The following DLG2 variants were observed in gnomAD, a reference collection of about 807,000 sequenced individuals.
DLG2 encodes discs large MAGUK scaffold protein 2, also known as disks large homolog 2.
Under a neutral mutation model 132.5 loss-of-function variants are expected in DLG2, and 45 were observed. The observed-to-expected ratio is 0.34, with a 90% confidence interval of 0.27 to 0.44. DLG2 has a LOEUF of 0.44. Ranked by LOEUF, DLG2 falls within the 20% of genes least tolerant of loss-of-function variation. The probability of loss-of-function intolerance (pLI) is 1.00; values close to 1 mark genes in which losing one functional copy is unlikely to be tolerated. For synonymous variants in DLG2, 424 were observed against 419.6 expected (o/e 1.01, Z -0.13); for missense variants, 1,045 against 1,196.9 (o/e 0.87, Z 1.87).
At chr11:85,509,251 A>C (rs2094003434) in intron 3 of DLG2, among the ~76,000 whole-genome samples, 1 of 152,098 alleles carries the variant, frequency 6.6e-6, no homozygotes, top group East Asian at 1.9e-4. Context: ...TTTCTTCAAA[A>C]GATTACCTAT....
At chr11:85,164,626 A>T (rs1566956415) in intron 4 of DLG2, among the ~76,000 whole-genome samples, 1 of 152,210 alleles carries the variant, frequency 6.6e-6, no homozygotes, top group African/African-American at 2.4e-5. Flanking sequence ...TCCTCCCCAG[A>T]GTCAATTCTG....
intron 8 of DLG2, among the ~76,000 whole-genome samples, chr11:84,202,954 C>CA (rs1434347874): frequency 1.3e-5 from 2 of 151,960 alleles, no homozygotes; most frequent in East Asian, 3.9e-4. Flanking sequence ...ATTTAAAAGT[C>CA]AAACAACAAC....
intron 7 of DLG2, among the ~76,000 whole-genome samples, chr11:84,262,789 G>A (rs911989497): frequency 1.6e-4 from 25 of 152,108 alleles, no homozygotes; most frequent in African/African-American, 6.0e-4. Context: ...TTGGTTTTCC[G>A]TTTCTGAGTA....
intron 19 of DLG2, among the ~76,000 whole-genome samples, chr11:83,567,411 C>T (rs887756767): frequency 6.6e-5 from 10 of 152,108 alleles, no homozygotes; most frequent in Admixed American, 5.9e-4. Flanking sequence ...CCTGGTTTTG[C>T]CTCTACCATG....
At chr11:83,535,169 T>C (rs903597594) in intron 20 of DLG2, among the ~76,000 whole-genome samples, 6 of 152,230 alleles carry the variant, frequency 3.9e-5, no homozygotes, top group African/African-American at 1.4e-4. Context: ...ATAATTTATA[T>C]TGATCTCTTT....
intron 3 of DLG2, among the ~76,000 whole-genome samples, chr11:85,568,305 A>G (rs2077648276): frequency 1.3e-5 from 2 of 152,018 alleles, no homozygotes; most frequent in South Asian, 4.1e-4. Flanking sequence ...GTGCGTAACC[A>G]CACCTGGCCA....
intron 8 of DLG2, among the ~76,000 whole-genome samples, chr11:84,174,508 A>C (rs565228375): frequency 6.6e-6 from 1 of 152,162 alleles, no homozygotes; most frequent in Admixed American, 6.6e-5. Context: ...TCCTTTTGGT[A>C]TCTTTACTAA....
chr11:84,024,826 T>G (rs1214935543), intron 11 of DLG2, among the ~76,000 whole-genome samples: 3 of 151,770 alleles, frequency 2.0e-5, no homozygotes, highest in African/African-American at 7.2e-5. Context: ...TTTTTTTTTT[T>G]TGGGTTCTAT....
chr11:84,169,842 C>A (rs1398569065), intron 8 of DLG2, among the ~76,000 whole-genome samples: 1 of 149,776 alleles, frequency 6.7e-6, no homozygotes, highest in Non-Finnish European at 1.5e-5. Flanking sequence ...CGCTGCACTT[C>A]AGCCTGGGCA....
intron 7 of DLG2, among the ~76,000 whole-genome samples, chr11:84,424,256 A>G (rs1304213165): frequency 6.6e-6 from 1 of 152,142 alleles, no homozygotes; most frequent in Non-Finnish European, 1.5e-5. Context: ...ATATTAGGGC[A>G]GAAATGTGCT....
intron 19 of DLG2, among the ~76,000 whole-genome samples, chr11:83,574,547 G>A (rs565947245): frequency 6.6e-6 from 1 of 152,266 alleles, no homozygotes; most frequent in South Asian, 2.1e-4. Flanking sequence ...GTAAGTGCCT[G>A]TTTTCTGACG....
At chr11:83,955,814 G>C (rs1174622073) in intron 14 of DLG2, among the ~76,000 whole-genome samples, 1 of 152,114 alleles carries the variant, frequency 6.6e-6, no homozygotes, top group Non-Finnish European at 1.5e-5. Context: ...TCCTGTGCTG[G>C]GTGCTTTCTG....
At chr11:83,975,545 G>T (rs866450427) in intron 12 of DLG2, among the ~76,000 whole-genome samples, 2 of 151,910 alleles carry the variant, frequency 1.3e-5, no homozygotes, top group Non-Finnish European at 2.9e-5. Flanking sequence ...CAGAGTAATT[G>T]TTTCTTTAAG....
intron 7 of DLG2, among the ~76,000 whole-genome samples, chr11:84,363,783 C>T (rs1373709170): frequency 3.3e-5 from 5 of 151,482 alleles, no homozygotes; most frequent in Non-Finnish European, 7.4e-5. Context: ...TTCCCCATTG[C>T]TTGTTTTTCT....
intron 6 of DLG2, among the ~76,000 whole-genome samples, chr11:84,776,981 G>A (rs1295606529): frequency 6.6e-6 from 1 of 151,548 alleles, no homozygotes; most frequent in Admixed American, 6.6e-5. Context: ...GGGCTTTTAG[G>A]GTATCCATCA....
chr11:84,810,974 G>A (rs755153334), intron 6 of DLG2, among the ~76,000 whole-genome samples: 2 of 152,056 alleles, frequency 1.3e-5, no homozygotes, highest in Non-Finnish European at 2.9e-5. Context: ...CAACATGTGG[G>A]GTCCTTGTGA....
intron 6 of DLG2, among the ~76,000 whole-genome samples, chr11:85,038,063 A>T (rs2061560951): frequency 6.6e-6 from 1 of 152,092 alleles, no homozygotes. Context: ...AATGCATGTA[A>T]ATATTTTGTG....
chr11:83,634,340 T>C (rs2064238095), intron 18 of DLG2, among the ~76,000 whole-genome samples: 1 of 152,196 alleles, frequency 6.6e-6, no homozygotes, highest in Non-Finnish European at 1.5e-5. Flanking sequence ...TCTAAGGTAC[T>C]TATTAACACA....
chr11:85,070,677 C>A (rs2065711625), intron 6 of DLG2, among the ~76,000 whole-genome samples: 1 of 151,808 alleles, frequency 6.6e-6, no homozygotes, highest in Admixed American at 6.6e-5. Context: ...ACTACAAAGA[C>A]TGTGCTTCCT....
Sources: gnomAD v4.1 joint callset for allele counts (sites outside exome capture counted in the v4.1 genomes callset) on GRCh38, gnomAD v4.1.1 for gene constraint, MANE v1.5 for transcripts, NCBI Gene and HGNC (gene_info 2026-07-23, HGNC 2026-07-21) for gene names.